Variants in SRGAP1 observed in about 807,000 individuals in gnomAD.
SRGAP1 encodes the protein SLIT-ROBO Rho GTPase activating protein 1, also known as SLIT-ROBO Rho GTPase-activating protein 1.
SRGAP1 carries 43 observed loss-of-function variants against 121.9 expected under a neutral mutation model. The observed-to-expected ratio is 0.35, with a 90% CI of 0.28 to 0.46. The LOEUF (loss-of-function observed/expected upper bound fraction) is 0.46, where lower values mean the gene tolerates loss of function less well. SRGAP1 is among the 20% of genes least tolerant of loss of function. SRGAP1 has a pLI of 1.00. For synonymous variants in SRGAP1, 447 were observed against 485.4 expected (o/e 0.92, Z 1.04); for missense variants, 1,102 against 1,350.9 (o/e 0.82, Z 2.89).
chr12:63,894,741 G>T, intron 1 of SRGAP1, among the ~76,000 whole-genome samples: 1 of 151,966 alleles, frequency 6.6e-6, no homozygotes, highest in Non-Finnish European at 1.5e-5. Flanking sequence ...TTGTTCTTGC[G>T]ATAGTTTGCT....
chr12:63,897,020 T>C (rs1565940974), intron 1 of SRGAP1, among the ~76,000 whole-genome samples: 1 of 152,152 alleles, frequency 6.6e-6, no homozygotes, highest in Non-Finnish European at 1.5e-5. Flanking sequence ...ACGAGGGAGA[T>C]GAGTGTCAGT....
At chr12:64,095,975 A>G (rs1195252235) in intron 14 of SRGAP1, among the ~76,000 whole-genome samples, 4 of 152,166 alleles carry the variant, frequency 2.6e-5, no homozygotes, top group Admixed American at 6.5e-5. Flanking sequence ...CCACTAATCA[A>G]TCATGTGATA....
chr12:63,910,458 A>G (rs1338731057), intron 1 of SRGAP1, among the ~76,000 whole-genome samples: 1 of 152,228 alleles, frequency 6.6e-6, no homozygotes, highest in Non-Finnish European at 1.5e-5. Context: ...GTACTTAACT[A>G]TTAAATAAAT....
At chr12:64,023,994 G>A (rs2034602593) in intron 4 of SRGAP1, among the ~76,000 whole-genome samples, 1 of 152,164 alleles carries the variant, frequency 6.6e-6, no homozygotes, top group African/African-American at 2.4e-5. Context: ...GTGGTAGGAG[G>A]AGGGATAAAC....
At chr12:64,024,003 ACCTGAG>A (rs1430664557) in intron 4 of SRGAP1, among the ~76,000 whole-genome samples, 6 of 152,302 alleles carry the variant, frequency 3.9e-5, no homozygotes, top group African/African-American at 1.4e-4. Flanking sequence ...GGAGGGATAA[ACCTGAG>A]CTAAAAGAAT....
intron 1 of SRGAP1, among the ~76,000 whole-genome samples, chr12:63,868,771 C>T (rs1202639244): frequency 1.3e-5 from 2 of 152,202 alleles, no homozygotes; most frequent in East Asian, 1.9e-4. Context: ...GTCTCCTTAA[C>T]TTTTAAGTGC....
chr12:64,050,086 A>G (rs574873650), intron 6 of SRGAP1, among the ~76,000 whole-genome samples: 1 of 152,116 alleles, frequency 6.6e-6, no homozygotes, highest in African/African-American at 2.4e-5. Context: ...TATAGTTTTT[A>G]TTGTAGAGAT....
At chr12:63,934,177 A>G (rs950611323) in intron 1 of SRGAP1, among the ~76,000 whole-genome samples, 1 of 152,180 alleles carries the variant, frequency 6.6e-6, no homozygotes, top group Non-Finnish European at 1.5e-5. Flanking sequence ...TCTTGCCCAC[A>G]TGGAAGCTCT....
At chr12:64,104,763 G>A (rs972911582) in intron 15 of SRGAP1, among the ~76,000 whole-genome samples, 10 of 152,152 alleles carry the variant, frequency 6.6e-5, no homozygotes, top group Non-Finnish European at 1.3e-4. Flanking sequence ...TGTGTTGACT[G>A]TAGTTAAAGA....
intron 6 of SRGAP1, among the ~76,000 whole-genome samples, chr12:64,046,037 C>T (rs943766478): frequency 2.6e-5 from 4 of 152,178 alleles, no homozygotes; most frequent in African/African-American, 9.6e-5. Context: ...AAGCCTGATA[C>T]CTGAGTAGAG....
chr12:63,934,179 G>A (rs2031578535), intron 1 of SRGAP1, among the ~76,000 whole-genome samples: 1 of 152,090 alleles, frequency 6.6e-6, no homozygotes, highest in African/African-American at 2.4e-5. Flanking sequence ...TTGCCCACAT[G>A]GAAGCTCTGC....
At chr12:64,010,567 C>T (rs549065216) in intron 3 of SRGAP1, among the ~76,000 whole-genome samples, 1 of 152,226 alleles carries the variant, frequency 6.6e-6, no homozygotes, top group South Asian at 2.1e-4. Flanking sequence ...GCTGTTCATT[C>T]AGCAGATGTA....
rs376938587 is a variant in SRGAP1, at chr12:64,115,801, T to C, written c.2145-13T>C. On this transcript the variant is annotated splice_polypyrimidine_tract_variant and intron_variant, in intron 17 of 21. Transcript: ENST00000355086. ...ATTTTAATTTCATATGAATTTCCAT[T>C]TGTATTCTACAGCGACAGCCCATAC... 6.2e-7 allele frequency: 1 copy of C among 1,609,814 alleles called. No individual in the cohort carries two copies. Among genetic ancestry groups the C allele is most frequent in the African/African-American group, 1.3e-5 (1 of 74,838 alleles).
At chr12:63,993,544 A>G (rs1014164935) in intron 3 of SRGAP1, among the ~76,000 whole-genome samples, 27 of 152,178 alleles carry the variant, frequency 1.8e-4, no homozygotes, top group Admixed American at 5.2e-4. Context: ...GCATGTTTCA[A>G]TAATGTCCCC....
intron 10 of SRGAP1, among the ~76,000 whole-genome samples, chr12:64,082,524 C>T (rs955765447): frequency 6.6e-6 from 1 of 151,198 alleles, no homozygotes; most frequent in Non-Finnish European, 1.5e-5. Flanking sequence ...AATCTAAGCT[C>T]ACTGCAACCT....
At chr12:63,929,769 C>A (rs887847140) in intron 1 of SRGAP1, among the ~76,000 whole-genome samples, 12 of 152,076 alleles carry the variant, frequency 7.9e-5, no homozygotes, top group Non-Finnish European at 1.8e-4. Flanking sequence ...GTAAACTGTT[C>A]TTTTCAGAAT....
intron 1 of SRGAP1, among the ~76,000 whole-genome samples, chr12:63,857,388 C>CT (rs1195343157): frequency 1.1e-3 from 144 of 129,318 alleles, no homozygotes; most frequent in Admixed American, 3.1e-3. Context: ...CTGCAATTTA[C>CT]TTTTTTTTTT....
intron 1 of SRGAP1, among the ~76,000 whole-genome samples, chr12:63,933,435 G>T (rs1350624607): frequency 2.6e-5 from 4 of 152,032 alleles, no homozygotes; most frequent in Non-Finnish European, 5.9e-5. Flanking sequence ...TTTTCATTCA[G>T]TAAATTGTGG....
chr12:63,918,575 C>A (rs926446187), intron 1 of SRGAP1, among the ~76,000 whole-genome samples: 10 of 152,100 alleles, frequency 6.6e-5, no homozygotes, highest in Non-Finnish European at 1.3e-4. Context: ...TGCCACCATG[C>A]CCAGTTAATT....
Sources: allele counts gnomAD v4.1 joint callset (sites outside exome capture counted in the v4.1 genomes callset), GRCh38; gene constraint gnomAD v4.1.1; transcripts MANE v1.5; gene names NCBI Gene and HGNC (gene_info 2026-07-23, HGNC 2026-07-21).